Variants in PLCXD3 observed in about 807,000 individuals in gnomAD.
The protein encoded by PLCXD3 is phosphatidylinositol specific phospholipase C X domain containing 3, also known as PI-PLC X domain-containing protein 3.
Under a neutral mutation model 25.5 loss-of-function variants are expected in PLCXD3, and 19 were observed. The ratio of observed to expected loss-of-function variants is 0.75; its 90% CI spans 0.52 to 1.09. The LOEUF (loss-of-function observed/expected upper bound fraction) is 1.09, where lower values mean the gene tolerates loss of function less well. Ranked by LOEUF, PLCXD3 falls within the 50% of genes least tolerant of loss-of-function variation. The pLI is 0.00. For missense variants in PLCXD3, 411 were observed against 388.1 expected (o/e 1.06, Z -0.50); for synonymous variants, 174 against 137.6 (o/e 1.26, Z -1.85).
At position 41,465,353 on chromosome 5, in the gene PLCXD3, C is replaced by CTTTTTTTTTTTTTTTTTTTTTTTTTTTTT. The variant is rs58098437; in HGVS notation, c.103+45042_103+45070dup. Among the ~76,000 whole-genome samples, 13 of 13,234 alleles carry CTTTTTTTTTTTTTTTTTTTTTTTTTTTTT rather than the reference C, an allele frequency of 9.8e-4. 5 individuals are homozygous for CTTTTTTTTTTTTTTTTTTTTTTTTTTTTT. Among genetic ancestry groups the CTTTTTTTTTTTTTTTTTTTTTTTTTTTTT allele is most frequent in the African/African-American group, 1.4e-3 (5 of 3,486 alleles). 8.7% of individuals were successfully genotyped at this position (13,234 alleles called of 152,430 possible). ...TCCTACTTTCCCCACTAGTTCTTGT[C>CTTTTTTTTTTTTTTTTTTTTTTTTTTTTT]TTTTTTTTTTTTTTTTTTTTTTTTT... On this transcript the variant is annotated intron_variant, in intron 1 of 2. Transcript: ENST00000377801.
chr5:41,394,122 A>C (rs1745925883), intron 1 of PLCXD3, among the ~76,000 whole-genome samples: 4 of 152,166 alleles, frequency 2.6e-5, no homozygotes, highest in East Asian at 3.9e-4. Flanking sequence ...TATAAATAGA[A>C]ACAACAAAAA....
intron 1 of PLCXD3, among the ~76,000 whole-genome samples, chr5:41,438,629 A>G (rs1747310132): frequency 6.6e-6 from 1 of 152,150 alleles, no homozygotes. Flanking sequence ...TTTTCACCCA[A>G]TAAACCCTGC....
Position 41,326,274 on chromosome 5 carries a change from T to G in PLCXD3, c.813-12504A>C, listed in dbSNP as rs557689901. 1.7e-4 allele frequency among the ~76,000 whole-genome samples: 26 copies of G among 152,312 alleles called. 1 individual carries two copies. In the South Asian group the frequency reaches 5.2e-3, roughly 30 times the overall value. Reference sequence around the variant, plus strand: ...TCAGAGTTTAGACTTTCCTCATCTCTCCTGGAGAGATGTTGCCACAGTCTT... The same window carrying G: ...TCAGAGTTTAGACTTTCCTCATCTCGCCTGGAGAGATGTTGCCACAGTCTT... On this transcript the variant is annotated intron_variant, in intron 2 of 2. Transcript: ENST00000377801.
chr5:41,327,520 G>C (rs1284219037), intron 2 of PLCXD3, among the ~76,000 whole-genome samples: 1 of 152,078 alleles, frequency 6.6e-6, no homozygotes, highest in Non-Finnish European at 1.5e-5. Flanking sequence ...ATTGCTGTGA[G>C]AGTCTAAAAA....
Position 41,323,219 on chromosome 5 carries a change from G to T in PLCXD3, c.813-9449C>A, listed in dbSNP as rs888778701. On this transcript the variant is annotated intron_variant, in intron 2 of 2. Transcript: ENST00000377801. ...GAGAAGGATGGTTACCAGAGGCTAG[G>T]AAGCATAGTGGGAGAGCTATGGATG... Among the ~76,000 whole-genome samples the T allele has an allele frequency of 2.0e-5, 3 of 152,126 alleles. No individual in the cohort carries two copies. The East Asian group carries it at 5.8e-4, about 29-fold the overall frequency.
intron 1 of PLCXD3, among the ~76,000 whole-genome samples, chr5:41,443,047 TATA>T (rs926685409): frequency 6.7e-6 from 1 of 148,788 alleles, no homozygotes; most frequent in African/African-American, 2.4e-5. Flanking sequence ...TGTATACATA[TATA>T]ATAATAATAT....
intron 1 of PLCXD3, among the ~76,000 whole-genome samples, chr5:41,440,214 A>ATTTT (rs1747350066): frequency 1.4e-5 from 1 of 72,172 alleles, no homozygotes; most frequent in African/African-American, 6.0e-5. Context: ...ATAATCTCTC[A>ATTTT]ATTTTTTTTT....
At chr5:41,489,742 T>A (rs939607985) in intron 1 of PLCXD3, among the ~76,000 whole-genome samples, 1 of 152,090 alleles carries the variant, frequency 6.6e-6, no homozygotes, top group African/African-American at 2.4e-5. Flanking sequence ...GTTTGTCTGT[T>A]ATTGGTGTAT....
intron 1 of PLCXD3, among the ~76,000 whole-genome samples, chr5:41,421,133 G>T (rs1235565148): frequency 6.6e-6 from 1 of 152,146 alleles, no homozygotes; most frequent in Non-Finnish European, 1.5e-5. Context: ...AATATAAAAT[G>T]TTAGGCATAT....
At chr5:41,355,464 C>G (rs1296223350) in intron 2 of PLCXD3, among the ~76,000 whole-genome samples, 1 of 152,086 alleles carries the variant, frequency 6.6e-6, no homozygotes, top group Non-Finnish European at 1.5e-5. Context: ...TAATCCAACC[C>G]CTATGCTCCT....
At chr5:41,400,551 T>C (rs1746149462) in intron 1 of PLCXD3, among the ~76,000 whole-genome samples, 1 of 152,010 alleles carries the variant, frequency 6.6e-6, no homozygotes, top group East Asian at 1.9e-4. Context: ...ATAGATTAAA[T>C]TGGAGATTAT....
At chr5:41,475,161 C>A (rs1397593183) in intron 1 of PLCXD3, among the ~76,000 whole-genome samples, 1 of 152,148 alleles carries the variant, frequency 6.6e-6, no homozygotes, top group Admixed American at 6.5e-5. Flanking sequence ...AAAGAAATAA[C>A]AAAATTATTC....
intron 1 of PLCXD3, among the ~76,000 whole-genome samples, chr5:41,421,120 C>T (rs1202737230): frequency 6.6e-6 from 1 of 151,992 alleles, no homozygotes; most frequent in Non-Finnish European, 1.5e-5. Context: ...GAAAGATATG[C>T]CTAATATAAA....
At chr5:41,349,104 G>T (rs1428138579) in intron 2 of PLCXD3, among the ~76,000 whole-genome samples, 1 of 152,114 alleles carries the variant, frequency 6.6e-6, no homozygotes, top group Admixed American at 6.6e-5. Flanking sequence ...ATTAGAAAGA[G>T]TCCACATATC....
In PLCXD3 at chr5:41,396,195, G is replaced by T. The variant is rs138381298; in HGVS notation, c.104-13661C>A. Reference sequence around the variant, plus strand: ...CTTATGACAAATTTTAATTCCCAATGTTAGGGGAGGAACTTGGTGGGAGGT... The same window carrying T: ...CTTATGACAAATTTTAATTCCCAATTTTAGGGGAGGAACTTGGTGGGAGGT... On this transcript the variant is annotated intron_variant, in intron 1 of 2. Transcript: ENST00000377801. Among the ~76,000 whole-genome samples, 667 of 152,282 alleles carry T rather than the reference G, an allele frequency of 4.4e-3. 3 individuals are homozygous for T. The highest frequency in any genetic ancestry group is 7.5e-3 in the Non-Finnish European group (512 of 68,024).
intron 1 of PLCXD3, among the ~76,000 whole-genome samples, chr5:41,503,193 C>A (rs972547575): frequency 2.0e-5 from 3 of 152,098 alleles, no homozygotes; most frequent in African/African-American, 7.2e-5. Context: ...AGCTAACAAG[C>A]CATAGGGGAG....
Position 41,313,730 on chromosome 5 carries a change from G to A in PLCXD3, c.853C>T (p.Pro285Ser). 1 of 1,612,680 alleles carries A rather than the reference G, an allele frequency of 6.2e-7. No homozygotes were observed. Among genetic ancestry groups the A allele is most frequent in the South Asian group, 1.1e-5 (1 of 90,946 alleles). ...AMMQWVRTQK[P>S]GESGINIVTA... Reference sequence around the variant, plus strand: ...ACAATATTGATGCCACTCTCTCCTGGCTTCTGCGTGCGGACCCACTGCATC... The same window carrying A: ...ACAATATTGATGCCACTCTCTCCTGACTTCTGCGTGCGGACCCACTGCATC... The change falls in exon 3 of 3, where the codon CCA (proline) becomes TCA (serine). Residue 285 changes from proline to serine, a missense_variant. Coordinates refer to ENST00000377801, the MANE Select transcript of PLCXD3 (RefSeq NM_001005473.3).
chr5:41,361,088 G>T lies in PLCXD3; in HGVS notation c.812+20738C>A, dbSNP rs190702236. Among the ~76,000 whole-genome samples, 436 of 152,158 alleles carry T rather than the reference G, an allele frequency of 2.9e-3. 2 individuals carry two copies. The highest frequency in any genetic ancestry group is 0.01 in the African/African-American group (426 of 41,522). ...GGGTGGGGCTTGCTGTGGCTGCTGTGGGGGATGGGGGTGTGGATCTCAGGC... is the reference window on the plus strand; with the variant it reads ...GGGTGGGGCTTGCTGTGGCTGCTGTTGGGGATGGGGGTGTGGATCTCAGGC... On this transcript the variant is annotated intron_variant, in intron 2 of 2. Transcript: ENST00000377801.
In PLCXD3 at chr5:41,446,703, T is replaced by C. The variant is rs376954629; in HGVS notation, c.103+63721A>G. 3.9e-5 allele frequency among the ~76,000 whole-genome samples: 6 copies of C among 152,250 alleles called. No homozygotes were observed. In the East Asian group the frequency reaches 1.2e-3, roughly 29 times the overall value. On this transcript the variant is annotated intron_variant, in intron 1 of 2. Transcript: ENST00000377801. ...GGTGAGCCTGGAACCCAGGCTCAGC[T>C]GTCATAGAACAGTTTTTTCTGCTGG...
Sources: allele counts gnomAD v4.1 joint callset (sites outside exome capture counted in the v4.1 genomes callset), GRCh38; gene constraint gnomAD v4.1.1; transcripts MANE v1.5; gene names NCBI Gene and HGNC (gene_info 2026-07-23, HGNC 2026-07-21).